The following CCDC91 variants were observed in gnomAD, a reference collection of about 807,000 sequenced individuals.
CCDC91 encodes the protein coiled-coil domain containing 91.
CCDC91 carries 48 observed loss-of-function variants against 63.2 expected under a neutral mutation model. The observed-to-expected ratio is 0.76, with a 90% confidence interval of 0.60 to 0.97. The LOEUF (loss-of-function observed/expected upper bound fraction) is 0.97, where lower values mean the gene tolerates loss of function less well. Ranked by LOEUF, CCDC91 falls within the 50% of genes least tolerant of loss-of-function variation. CCDC91 has a pLI of 0.00. For missense variants in CCDC91, 500 were observed against 494.6 expected, an observed-to-expected ratio of 1.01 and a Z score of -0.10; for synonymous variants, 167 against 165.8, an observed-to-expected ratio of 1.01 and a Z score of -0.06.
At chr12:28,287,792 C>A (rs1949002056) in intron 3 of CCDC91, among the ~76,000 whole-genome samples, 1 of 152,042 alleles carries the variant, frequency 6.6e-6, no homozygotes, top group Admixed American at 6.6e-5. Context: ...TTGCTTTGGG[C>A]AGTATGGCCA....
At chr12:28,481,090 G>A (rs756770570) in intron 11 of CCDC91, among the ~76,000 whole-genome samples, 60 of 152,068 alleles carry the variant, frequency 3.9e-4, no homozygotes, top group Non-Finnish European at 7.5e-4. Flanking sequence ...AAAAAATAGT[G>A]TATGGAACTT....
At chr12:28,195,680 A>T (rs1160155549) in intron 1 of CCDC91, among the ~76,000 whole-genome samples, 2 of 152,176 alleles carry the variant, frequency 1.3e-5, no homozygotes, top group Non-Finnish European at 2.9e-5. Flanking sequence ...TTTTCTTTCC[A>T]TGTACATTTT....
intron 11 of CCDC91, among the ~76,000 whole-genome samples, chr12:28,453,449 AT>A (rs1282008381): frequency 2.6e-5 from 4 of 151,870 alleles, no homozygotes; most frequent in South Asian, 2.1e-4. Flanking sequence ...ATCAACCCAG[AT>A]TTTTTTTATG....
At chr12:28,433,008 C>T (rs1948712402) in intron 8 of CCDC91, among the ~76,000 whole-genome samples, 1 of 151,978 alleles carries the variant, frequency 6.6e-6, no homozygotes. Flanking sequence ...ATTGCCATCT[C>T]TGTATCTTCT....
chr12:28,432,251 G>C (rs1441618217), intron 8 of CCDC91, among the ~76,000 whole-genome samples: 2 of 151,860 alleles, frequency 1.3e-5, no homozygotes, highest in East Asian at 1.9e-4. Context: ...CATACTAAAG[G>C]ACATTGCTAT....
intron 8 of CCDC91, among the ~76,000 whole-genome samples, chr12:28,444,078 T>TAACA (rs1170180778): frequency 6.6e-6 from 1 of 152,192 alleles, no homozygotes; most frequent in East Asian, 1.9e-4. Context: ...TAGGGTTATT[T>TAACA]AACAAACTGA....
At chr12:28,407,964 A>ATAT (rs1288440679) in intron 8 of CCDC91, among the ~76,000 whole-genome samples, 5 of 127,140 alleles carry the variant, frequency 3.9e-5, no homozygotes, top group South Asian at 2.6e-4. Context: ...ATATATATAT[A>ATAT]TTTTTTTTAT....
intron 1 of CCDC91, among the ~76,000 whole-genome samples, chr12:28,201,040 C>G (rs1227358976): frequency 2.7e-5 from 4 of 148,012 alleles, no homozygotes; most frequent in Non-Finnish European, 4.5e-5. Flanking sequence ...GGCGGCTGGC[C>G]GGGCAGAGGG....
intron 8 of CCDC91, among the ~76,000 whole-genome samples, chr12:28,417,089 A>G (rs772791056): frequency 5.3e-5 from 8 of 152,166 alleles, no homozygotes; most frequent in Non-Finnish European, 1.2e-4. Flanking sequence ...TAATGGCAGT[A>G]GGAACCTGTA....
chr12:28,467,097 G>A (rs1452618821), intron 11 of CCDC91, among the ~76,000 whole-genome samples: 3 of 151,968 alleles, frequency 2.0e-5, no homozygotes, highest in African/African-American at 4.8e-5. Context: ...ACAAAGAAAG[G>A]CCAGAGTATG....
chr12:28,199,042 T>C (rs1942002736), intron 1 of CCDC91: 1 of 152,080 alleles, frequency 6.6e-6, no homozygotes, highest in African/African-American at 2.4e-5. Context: ...GCCTCCCTAG[T>C]AGCTAGGACT....
chr12:28,548,888 T>C (rs1943161359), intron 12 of CCDC91, among the ~76,000 whole-genome samples, 175 bp from the exon 13 acceptor site: 1 of 152,212 alleles, frequency 6.6e-6, no homozygotes, highest in African/African-American at 2.4e-5. Flanking sequence ...TCATCTTAGA[T>C]GATTTAGGCC....
At chr12:28,237,072 A>G (rs1209167842) in intron 1 of CCDC91, among the ~76,000 whole-genome samples, 1 of 152,070 alleles carries the variant, frequency 6.6e-6, no homozygotes, top group Non-Finnish European at 1.5e-5. Flanking sequence ...TGAAAATGGA[A>G]AATAGATCAC....
chr12:28,442,297 C>T (rs915346372), intron 8 of CCDC91, among the ~76,000 whole-genome samples: 5 of 151,992 alleles, frequency 3.3e-5, no homozygotes, highest in Admixed American at 6.6e-5. Flanking sequence ...CATGAAAATT[C>T]GTGACATATT....
rs148723694 is a variant in CCDC91, at chr12:28,362,430, T to G, written c.577-8T>G. ...AAACTCATGGTTTTAGTTTCTTTTT[T>G]CTTTCAGGAAAAACATAAACAAGAA... On this transcript the variant is annotated splice_polypyrimidine_tract_variant and splice_region_variant and intron_variant, in intron 6 of 12. Transcript: ENST00000536442. The G allele has an allele frequency of 1.3e-6, 2 of 1,557,410 alleles. No individual in the cohort carries two copies. The highest frequency in any genetic ancestry group is 2.7e-5 in the African/African-American group (2 of 72,956).
At chr12:28,428,294 C>T (rs932553492) in intron 8 of CCDC91, among the ~76,000 whole-genome samples, 8 of 151,602 alleles carry the variant, frequency 5.3e-5, no homozygotes, top group African/African-American at 1.2e-4. Context: ...TTTTTGGCCA[C>T]GCGTAGTGGC....
intron 6 of CCDC91, among the ~76,000 whole-genome samples, chr12:28,321,414 T>A (rs534626820): frequency 6.6e-6 from 1 of 151,912 alleles, no homozygotes; most frequent in South Asian, 2.1e-4. Context: ...ATAAAAAAAA[T>A]GTTGATTGGT....
chr12:28,242,545 C>T (rs1945415816), intron 1 of CCDC91, among the ~76,000 whole-genome samples: 1 of 152,014 alleles, frequency 6.6e-6, no homozygotes, highest in Non-Finnish European at 1.5e-5. Flanking sequence ...GGGAAGCCAT[C>T]TGGGACTTGG....
At chr12:28,399,500 A>G (rs116546498) in intron 8 of CCDC91, among the ~76,000 whole-genome samples, 2,104 of 152,222 alleles carry the variant, frequency 0.014, 51 homozygotes, top group African/African-American at 0.048. Flanking sequence ...ACATTTCAAA[A>G]CCCAATCATG....
Sources: allele counts gnomAD v4.1 joint callset (sites outside exome capture counted in the v4.1 genomes callset), GRCh38; gene constraint gnomAD v4.1.1; transcripts MANE v1.5; gene names NCBI Gene and HGNC (gene_info 2026-07-23, HGNC 2026-07-21).